The following AGBL4 variants were observed in gnomAD, a reference collection of about 807,000 sequenced individuals.
AGBL4 encodes AGBL carboxypeptidase 4.
A neutral mutation model predicts 66.4 loss-of-function variants in AGBL4; 58 were observed. The ratio of observed to expected loss-of-function variants is 0.87; its 90% CI spans 0.71 to 1.09. The LOEUF (loss-of-function observed/expected upper bound fraction) is 1.09, where lower values mean the gene tolerates loss of function less well. Among genes scored for constraint, AGBL4 ranks in the 50% least tolerant of loss-of-function variants. The pLI is 0.00. For synonymous variants in AGBL4, 234 were observed against 222.9 expected, an observed-to-expected ratio of 1.05 and a Z score of -0.44; for missense variants, 579 against 631.0, an observed-to-expected ratio of 0.92 and a Z score of 0.88.
intron 2 of AGBL4, among the ~76,000 whole-genome samples, chr1:49,832,059 A>C (rs1333557084): frequency 6.6e-6 from 1 of 151,624 alleles, no homozygotes; most frequent in Non-Finnish European, 1.5e-5. Context: ...GGTTAGTTAC[A>C]TATGTATACA....
chr1:48,847,618 C>T (rs1646949818), intron 6 of AGBL4, among the ~76,000 whole-genome samples: 1 of 152,006 alleles, frequency 6.6e-6, no homozygotes, highest in South Asian at 2.1e-4. Flanking sequence ...TGAAGGAGAC[C>T]CTCAGTATTG....
At chr1:49,534,844 G>T (rs970142824) in intron 3 of AGBL4, among the ~76,000 whole-genome samples, 2 of 152,186 alleles carry the variant, frequency 1.3e-5, no homozygotes, top group Non-Finnish European at 2.9e-5. Context: ...TGAAGTTCAC[G>T]GTACTGCTGA....
intron 3 of AGBL4, among the ~76,000 whole-genome samples, chr1:49,651,530 C>T (rs1315833118): frequency 6.6e-6 from 1 of 152,090 alleles, no homozygotes; most frequent in African/African-American, 2.4e-5. Flanking sequence ...GTGTTTGGCT[C>T]ATATGCCAAA....
intron 2 of AGBL4, among the ~76,000 whole-genome samples, chr1:49,771,285 A>C (rs1039245093): frequency 1.3e-5 from 2 of 151,974 alleles, no homozygotes; most frequent in Admixed American, 6.6e-5. Context: ...ACGTTGTTTA[A>C]TTTCCATGTA....
Position 48,959,494 on chromosome 1 carries a change from C to A in AGBL4, c.594+86090G>T, listed in dbSNP as rs923514976. The stretch of plus-strand genomic sequence containing the variant: ...TTTATGCTTTAATAGAAGAAAATAT[C>A]AATTAAAAAATTGACACAAAGGACA... On this transcript the variant is annotated intron_variant, in intron 5 of 13. Transcript: ENST00000371839. Among the ~76,000 whole-genome samples, 5 of 152,170 alleles carry A rather than the reference C, an allele frequency of 3.3e-5. No homozygotes were observed. The South Asian group carries it at 6.2e-4, about 19-fold the overall frequency.
chr1:49,508,737 A>G (rs1214913961), intron 3 of AGBL4, among the ~76,000 whole-genome samples: 1 of 151,962 alleles, frequency 6.6e-6, no homozygotes, highest in East Asian at 1.9e-4. Flanking sequence ...AAATGAAAAT[A>G]ATCATGACCA....
At chr1:49,386,640 G>C (rs1214588959) in intron 3 of AGBL4, among the ~76,000 whole-genome samples, 1 of 151,892 alleles carries the variant, frequency 6.6e-6, no homozygotes, top group African/African-American at 2.4e-5. Flanking sequence ...ATATATCCCT[G>C]TTCACTTGAT....
intron 4 of AGBL4, among the ~76,000 whole-genome samples, chr1:49,132,964 C>G (rs1645930513): frequency 6.6e-6 from 1 of 152,144 alleles, no homozygotes; most frequent in Non-Finnish European, 1.5e-5. Context: ...GCACTATTTA[C>G]AATAGCAAAG....
intron 2 of AGBL4, among the ~76,000 whole-genome samples, chr1:49,812,292 C>T (rs1389436414): frequency 2.6e-5 from 4 of 152,138 alleles, no homozygotes; most frequent in African/African-American, 4.8e-5. Flanking sequence ...TAAAGCAATG[C>T]TTCCAAGGTG....
intron 3 of AGBL4, among the ~76,000 whole-genome samples, chr1:49,320,140 C>T (rs1307908861): frequency 6.6e-6 from 1 of 152,022 alleles, no homozygotes; most frequent in African/African-American, 2.4e-5. Flanking sequence ...CCATGTTGCC[C>T]AGCTGGTCTT....
intron 3 of AGBL4, among the ~76,000 whole-genome samples, chr1:49,379,309 T>C (rs563967276): frequency 4.7e-4 from 72 of 152,296 alleles, no homozygotes; most frequent in Middle Eastern, 3.4e-3. Flanking sequence ...TATATGTGCA[T>C]TCTTACCTCA....
At chr1:49,957,217 A>C (rs1056335540) in intron 1 of AGBL4, among the ~76,000 whole-genome samples, 1 of 151,968 alleles carries the variant, frequency 6.6e-6, no homozygotes, top group African/African-American at 2.4e-5. Flanking sequence ...GGAAATACAA[A>C]GAATATGTCA....
At chr1:49,835,151 G>C (rs1224785084) in intron 2 of AGBL4, among the ~76,000 whole-genome samples, 2 of 152,136 alleles carry the variant, frequency 1.3e-5, no homozygotes. Flanking sequence ...CTGTTGATCT[G>C]TCTAATATTG....
chr1:49,737,569 G>C (rs571494641), intron 2 of AGBL4, among the ~76,000 whole-genome samples: 1 of 152,144 alleles, frequency 6.6e-6, no homozygotes, highest in Non-Finnish European at 1.5e-5. Context: ...GAAAAACTAA[G>C]AACCAGGTTC....
intron 1 of AGBL4, among the ~76,000 whole-genome samples, chr1:49,948,494 AAAATATATAT>A (rs1207926666): frequency 3.0e-5 from 3 of 101,308 alleles, no homozygotes; most frequent in Non-Finnish European, 6.0e-5. Flanking sequence ...TAAATATATA[AAAATATATAT>A]AAATATATAA....
At chr1:49,793,065 T>C (rs1275025090) in intron 2 of AGBL4, among the ~76,000 whole-genome samples, 1 of 151,990 alleles carries the variant, frequency 6.6e-6, no homozygotes. Flanking sequence ...ACAATGGAAG[T>C]CCATTACTCT....
rs1652059222 is a variant in AGBL4, at chr1:49,920,193, T to A, written c.35-68675A>T. ...CATAGGCATGGGCAAGGACTTCATG[T>A]CTAAAACACCAAAAGCAATGGCAAC... On this transcript the variant is annotated intron_variant, in intron 1 of 13. Transcript: ENST00000371839. 2.6e-5 allele frequency among the ~76,000 whole-genome samples: 4 copies of A among 152,210 alleles called. No individual in the cohort carries two copies. The East Asian group carries it at 5.8e-4, about 22-fold the overall frequency.
chr1:48,838,910 C>T (rs1646739911), intron 6 of AGBL4, among the ~76,000 whole-genome samples: 1 of 151,848 alleles, frequency 6.6e-6, no homozygotes, highest in Non-Finnish European at 1.5e-5. Context: ...ATACAAATGG[C>T]CAACAGGTAT....
chr1:49,551,891 G>A (rs1043561719), intron 3 of AGBL4, among the ~76,000 whole-genome samples: 1 of 152,142 alleles, frequency 6.6e-6, no homozygotes, highest in Non-Finnish European at 1.5e-5. Context: ...TAGTTACCAG[G>A]TGGGGCAGGA....
Sources: allele counts gnomAD v4.1 joint callset (sites outside exome capture counted in the v4.1 genomes callset), GRCh38; gene constraint gnomAD v4.1.1; transcripts MANE v1.5; gene names NCBI Gene and HGNC (gene_info 2026-07-23, HGNC 2026-07-21).